Variants in FMN2 observed in about 807,000 individuals in gnomAD.
FMN2 encodes the protein formin-2.
FMN2 carries 51 observed loss-of-function variants against 142.3 expected under a neutral mutation model. The observed-to-expected ratio is 0.36, with a 90% CI of 0.29 to 0.45. The LOEUF (loss-of-function observed/expected upper bound fraction) is 0.45, where lower values mean the gene tolerates loss of function less well. Among genes scored for constraint, FMN2 ranks in the 20% least tolerant of loss-of-function variants. The probability of loss-of-function intolerance (pLI) is 1.00; values close to 1 mark genes in which losing one functional copy is unlikely to be tolerated. For synonymous variants in FMN2, 882 were observed against 869.8 expected (o/e 1.01, Z -0.25); for missense variants, 1,936 against 2,122.8 (o/e 0.91, Z 1.73).
Position 240,093,526 on chromosome 1 carries a change from G to T in FMN2, c.1417G>T (p.Gly473Cys), listed in dbSNP as rs755308785. 3 of 1,579,394 alleles carry T rather than the reference G, an allele frequency of 1.9e-6. No homozygotes were observed. The highest frequency in any genetic ancestry group is 2.6e-6 in the Non-Finnish European group (3 of 1,165,756). Residue 473 changes from glycine (G) to cysteine (C), a missense_variant, in exon 1 of 18, where the codon GGC becomes TGC. This residue lies in a region of FMN2 where 751 missense variants were observed against 791.8 expected (regional missense o/e 0.95). Transcript: ENST00000319653. ...AAPAKKHRAD[G>C]GLAAGLSRSA... ...CCCGGCCAAGAAGCACCGGGCCGAC[G>T]GCGGCCTTGCGGCCGGCCTGAGCCG...
At chr1:240,268,464 G>A (rs1668887873) in intron 7 of FMN2, among the ~76,000 whole-genome samples, 2 of 152,114 alleles carry the variant, frequency 1.3e-5, no homozygotes, top group South Asian at 4.1e-4. Flanking sequence ...CCCTAACTGT[G>A]TGGCTTCTTA....
intron 6 of FMN2, among the ~76,000 whole-genome samples, chr1:240,255,193 C>A (rs770016676): frequency 1.3e-5 from 2 of 152,184 alleles, no homozygotes; most frequent in African/African-American, 4.8e-5. Context: ...TGCCCCACTT[C>A]CCTCTTCTTC....
At chr1:240,336,553 C>CAAAAAAAAAAAAA (rs552135436) in intron 13 of FMN2, among the ~76,000 whole-genome samples, 1 of 50,526 alleles carries the variant, frequency 2.0e-5, no homozygotes, top group East Asian at 2.0e-3. Context: ...TGGTATTCTC[C>CAAAAAAAAAAAAA]AAAAAAAAAA....
chr1:240,308,851 C>A (rs1176505610), intron 8 of FMN2, among the ~76,000 whole-genome samples: 1 of 152,140 alleles, frequency 6.6e-6, no homozygotes, highest in African/African-American at 2.4e-5. Context: ...AGTGATCCCA[C>A]AATTTTTGGC....
At chr1:240,143,798 A>G (rs1415786773) in intron 2 of FMN2, 7 of 1,513,338 alleles carry the variant, frequency 4.6e-6, no homozygotes, top group South Asian at 1.1e-5. Flanking sequence ...GCAGGACCCC[A>G]CTGCTATCAT....
At chr1:240,101,231 A>G (rs1661399334) in intron 1 of FMN2, among the ~76,000 whole-genome samples, 1 of 152,164 alleles carries the variant, frequency 6.6e-6, no homozygotes, top group Non-Finnish European at 1.5e-5. Flanking sequence ...TCTTCCTTCA[A>G]GTCAATTTCA....
chr1:240,470,850 A>G (rs1676784905), intron 16 of FMN2, among the ~76,000 whole-genome samples: 1 of 147,080 alleles, frequency 6.8e-6, no homozygotes, highest in Non-Finnish European at 1.5e-5. Flanking sequence ...AAAAAAAAAA[A>G]TCCAATTTAC....
intron 2 of FMN2, among the ~76,000 whole-genome samples, chr1:240,136,030 C>A (rs1662925083): frequency 1.3e-5 from 2 of 151,566 alleles, no homozygotes. Context: ...AGTTACTACT[C>A]AGTGAATGTT....
At chr1:240,120,900 G>A (rs1010608860) in intron 1 of FMN2, among the ~76,000 whole-genome samples, 1 of 152,158 alleles carries the variant, frequency 6.6e-6, no homozygotes, top group African/African-American at 2.4e-5. Flanking sequence ...TTTTACGCCC[G>A]TAATCCCAGC....
intron 6 of FMN2, among the ~76,000 whole-genome samples, chr1:240,216,763 A>G (rs1487852137): frequency 6.6e-6 from 1 of 152,190 alleles, no homozygotes; most frequent in Non-Finnish European, 1.5e-5. Flanking sequence ...GCCTGACAAC[A>G]TGGTGAAACC....
chr1:240,408,566 A>G (rs1485652498), intron 15 of FMN2, among the ~76,000 whole-genome samples: 1 of 152,172 alleles, frequency 6.6e-6, no homozygotes, highest in Non-Finnish European at 1.5e-5. Context: ...AGACTTTACC[A>G]TTTTAAAGTT....
chr1:240,367,569 C>T (rs915701636), intron 14 of FMN2, among the ~76,000 whole-genome samples: 1 of 151,850 alleles, frequency 6.6e-6, no homozygotes, highest in African/African-American at 2.4e-5. Flanking sequence ...GAGATCGAGA[C>T]CATCCTGGCT....
rs1257175158 is a variant in FMN2 at position 240,299,397 on chromosome 1, C to T, written c.4215+4514C>T. Among the ~76,000 whole-genome samples, 4 of 152,106 alleles carry T rather than the reference C, an allele frequency of 2.6e-5. No individual in the cohort carries two copies. In the East Asian group the frequency reaches 7.7e-4, roughly 29 times the overall value. ...TGAAAATGGTTAATGTCATTATTTA[C>T]ATTTCAAATGCTCTGCTTTTTTTAA... On this transcript the variant is annotated intron_variant, in intron 8 of 17. Transcript: ENST00000319653.
chr1:240,105,100 CTTTTTTT>C (rs57841541), intron 1 of FMN2, among the ~76,000 whole-genome samples: 2 of 72,986 alleles, frequency 2.7e-5, no homozygotes, highest in Admixed American at 1.8e-4. Flanking sequence ...GTTTATGCTT[CTTTTTTT>C]TTTTTTTTTT....
intron 3 of FMN2, among the ~76,000 whole-genome samples, chr1:240,187,269 C>CAAAAAAA (rs10610560): frequency 2.4e-5 from 2 of 83,788 alleles, no homozygotes; most frequent in African/African-American, 9.1e-5. Context: ...AACTCCATCT[C>CAAAAAAA]AAAAAAAAAA....
chr1:240,363,027 C>T (rs543409085), intron 14 of FMN2, among the ~76,000 whole-genome samples: 266 of 152,262 alleles, frequency 1.7e-3, no homozygotes, highest in African/African-American at 6.2e-3. Flanking sequence ...AATGATGAAA[C>T]CTCAGCTCTT....
At position 240,207,570 on chromosome 1, in the gene FMN2, A is replaced by T; in HGVS notation, c.2758A>T (p.Ile920Leu). The T allele has an allele frequency of 4.4e-6, 7 of 1,591,774 alleles. No homozygotes were observed. Among genetic ancestry groups the T allele is most frequent in the Non-Finnish European group, 6.0e-6 (7 of 1,171,384 alleles). Residue 920 changes from isoleucine to leucine, a missense_variant, in exon 5 of 18, where the codon ATA becomes TTA. By Grantham distance (5) the Ile-to-Leu change is conservative. Coordinates refer to ENST00000319653, the MANE Select transcript of FMN2 (RefSeq NM_020066.5). ...TCCCCCTCCTCTTCCCGGAGCGGGCATACCTCCTCCGCCGCCTCTACCCGG... is the reference window on the plus strand; with the variant it reads ...TCCCCCTCCTCTTCCCGGAGCGGGCTTACCTCCTCCGCCGCCTCTACCCGG... ...PPPPPLPGAGIPPPPPLPGAG... is the reference protein window; with the variant it reads ...PPPPPLPGAGLPPPPPLPGAG...
chr1:240,187,489 C>A (rs1175363398), intron 3 of FMN2, among the ~76,000 whole-genome samples: 1 of 152,006 alleles, frequency 6.6e-6, no homozygotes, highest in Non-Finnish European at 1.5e-5. Flanking sequence ...AGTGGTTTTT[C>A]AGGCTCTGAT....
chr1:240,192,913 G>A (rs186255340), intron 4 of FMN2, among the ~76,000 whole-genome samples: 391 of 151,976 alleles, frequency 2.6e-3, no homozygotes, highest in Admixed American at 6.4e-3. Context: ...AAATATAGAC[G>A]TTTTAGCTTA....
Sources: gnomAD v4.1 joint callset for allele counts (sites outside exome capture counted in the v4.1 genomes callset) on GRCh38, gnomAD v4.1.1 for gene constraint, gnomAD v4.1.1 regional missense constraint, MANE v1.5 for transcripts, NCBI Gene and HGNC (gene_info 2026-07-23, HGNC 2026-07-21) for gene names.